Variants in SHISA9 observed in about 807,000 individuals in gnomAD.
The protein encoded by SHISA9 is protein shisa-9.
Under a neutral mutation model 38.0 loss-of-function variants are expected in SHISA9, and 13 were observed. The ratio of observed to expected loss-of-function variants is 0.34; its 90% CI spans 0.22 to 0.54. The LOEUF (loss-of-function observed/expected upper bound fraction) is 0.54. Ranked by LOEUF, SHISA9 falls within the 20% of genes least tolerant of loss-of-function variation. The pLI is 0.91. For synonymous variants in SHISA9, 275 were observed against 242.0 expected, an observed-to-expected ratio of 1.14 and a Z score of -1.27; for missense variants, 538 against 575.8, an observed-to-expected ratio of 0.93 and a Z score of 0.67.
intron 4 of SHISA9, among the ~76,000 whole-genome samples, chr16:13,231,316 GT>G (rs1328141164): frequency 6.6e-6 from 1 of 152,220 alleles, no homozygotes; most frequent in East Asian, 1.9e-4. Context: ...CAGAGATGCT[GT>G]TGAATCCAGG....
At chr16:13,250,106 G>T in the SHISA9 span, among the ~76,000 whole-genome samples, 1 of 152,124 alleles carries the variant, frequency 6.6e-6, no homozygotes, top group African/African-American at 2.4e-5. Flanking sequence ...TTAACTGGAG[G>T]ATATCTAATC....
chr16:13,109,159 C>T (rs7194503), intron 2 of SHISA9, among the ~76,000 whole-genome samples: 5,318 of 152,094 alleles, frequency 0.035, 124 homozygotes, highest in African/African-American at 0.063. Flanking sequence ...CCTGAGTAGC[C>T]GAGACTACAG....
chr16:13,440,703 C>A, the SHISA9 span, among the ~76,000 whole-genome samples: 2 of 152,086 alleles, frequency 1.3e-5, no homozygotes, highest in African/African-American at 4.8e-5. Context: ...CCGAGGCGGG[C>A]GGATCACGAG....
At chr16:12,948,578 T>A (rs1218147144) in intron 2 of SHISA9, among the ~76,000 whole-genome samples, 1 of 152,206 alleles carries the variant, frequency 6.6e-6, no homozygotes, top group African/African-American at 2.4e-5. Context: ...AGATTCAGTG[T>A]CTGGTAAGGG....
At chr16:12,934,511 T>C (rs1228217171) in intron 2 of SHISA9, among the ~76,000 whole-genome samples, 1 of 152,224 alleles carries the variant, frequency 6.6e-6, no homozygotes, top group Non-Finnish European at 1.5e-5. Context: ...CAACTATTGA[T>C]ATATAGGGGA....
At chr16:13,287,272 G>A in the SHISA9 span, among the ~76,000 whole-genome samples, 1 of 152,164 alleles carries the variant, frequency 6.6e-6, no homozygotes, top group African/African-American at 2.4e-5. Context: ...AGATGAGAAT[G>A]TGTTCAGTTT....
chr16:13,367,052 C>T, the SHISA9 span, among the ~76,000 whole-genome samples: 7 of 151,328 alleles, frequency 4.6e-5, no homozygotes, highest in African/African-American at 1.5e-4. Flanking sequence ...TGTACAATTC[C>T]TGCCCTTCCT....
the SHISA9 span, among the ~76,000 whole-genome samples, chr16:13,272,899 C>A: frequency 1.3e-5 from 2 of 152,128 alleles, no homozygotes; most frequent in Admixed American, 1.3e-4. Context: ...AACGCTTAGA[C>A]TTTACTGATT....
At chr16:13,128,331 CAAA>C (rs1322117184) in intron 2 of SHISA9, among the ~76,000 whole-genome samples, 1 of 152,176 alleles carries the variant, frequency 6.6e-6, no homozygotes. Context: ...GCCCTTCTAA[CAAA>C]CCTATCAGGT....
chr16:13,003,167 A>G (rs906638282), intron 2 of SHISA9, among the ~76,000 whole-genome samples: 1 of 152,198 alleles, frequency 6.6e-6, no homozygotes. Flanking sequence ...GGATTGGTGC[A>G]AAATGATCTA....
downstream of SHISA9, among the ~76,000 whole-genome samples, chr16:13,242,222 T>A (rs1383294316): frequency 6.6e-6 from 1 of 152,204 alleles, no homozygotes; most frequent in African/African-American, 2.4e-5. Context: ...AGCTCATGCT[T>A]TAATGGCTCT....
At chr16:13,243,973 A>G (rs962966505), downstream of SHISA9, among the ~76,000 whole-genome samples, 3 of 151,962 alleles carry the variant, frequency 2.0e-5, no homozygotes, top group Non-Finnish European at 2.9e-5. Flanking sequence ...GGGTTTCACC[A>G]TGTTGGCCAG....
At position 13,173,409 on chromosome 16, in the gene SHISA9, C is replaced by CACAT. The variant is rs1491407267; in HGVS notation, c.692-29984_692-29983insCATA. Among the ~76,000 whole-genome samples the CACAT allele has an allele frequency of 8.0e-4, 121 of 151,074 alleles. 1 individual carries two copies. In the East Asian group the frequency reaches 0.021, roughly 26 times the overall value. On this transcript the variant is annotated intron_variant, in intron 2 of 4. Coordinates refer to ENST00000558583, the MANE Select transcript of SHISA9 (RefSeq NM_001145204.3). ...ACACACACACACACACACACACACA[C>CACAT]ATTTTCCTAATTGTAGATTAGATTG...
chr16:12,924,941 T>G (rs759769825), intron 2 of SHISA9, among the ~76,000 whole-genome samples: 12 of 152,184 alleles, frequency 7.9e-5, no homozygotes, highest in Non-Finnish European at 1.0e-4. Context: ...CTTACAAGGT[T>G]GTTGTGAGGA....
At chr16:12,913,060 TA>T (rs57070970) in intron 1 of SHISA9, among the ~76,000 whole-genome samples, 9,363 of 151,286 alleles carry the variant, frequency 0.062, 972 homozygotes, top group African/African-American at 0.21. Flanking sequence ...ATTTGTAACT[TA>T]AAAAAAAAGT....
At chr16:13,551,987 A>C in the SHISA9 span, among the ~76,000 whole-genome samples, 4 of 152,184 alleles carry the variant, frequency 2.6e-5, no homozygotes, top group African/African-American at 9.7e-5. Context: ...AGATCTCACC[A>C]CTGCACTCCA....
chr16:13,490,709 C>T, the SHISA9 span, among the ~76,000 whole-genome samples: 1 of 152,188 alleles, frequency 6.6e-6, no homozygotes, highest in Non-Finnish European at 1.5e-5. Flanking sequence ...CACTCGAGCT[C>T]TTTGGGATGT....
the SHISA9 span, among the ~76,000 whole-genome samples, chr16:13,494,359 A>G: frequency 6.6e-6 from 1 of 152,230 alleles, no homozygotes; most frequent in African/African-American, 2.4e-5. Context: ...TGGGGACACT[A>G]AAGAACCCCA....
the SHISA9 span, among the ~76,000 whole-genome samples, chr16:13,445,547 G>C: frequency 6.6e-6 from 1 of 152,152 alleles, no homozygotes; most frequent in Non-Finnish European, 1.5e-5. Flanking sequence ...ATTCTTAGAG[G>C]TGAATTTGAA....
Sources: gnomAD v4.1 joint callset for allele counts (sites outside exome capture counted in the v4.1 genomes callset) on GRCh38, gnomAD v4.1.1 for gene constraint, MANE v1.5 for transcripts, NCBI Gene and HGNC (gene_info 2026-07-23, HGNC 2026-07-21) for gene names.